Variants in TECRL observed in about 807,000 individuals in gnomAD.
The protein encoded by TECRL is trans-2,3-enoyl-CoA reductase-like.
In TECRL, 63 loss-of-function variants were observed where a neutral mutation model predicts 52.8. That is an observed-to-expected ratio of 1.19 (90% confidence interval 0.97 to 1.47). The LOEUF is 1.47. Ranked by LOEUF, TECRL falls within the 40% of genes most tolerant of loss-of-function variation. The pLI is 0.00. For missense variants in TECRL, 482 were observed against 429.6 expected (o/e 1.12, Z -1.08); for synonymous variants, 164 against 141.9 (o/e 1.16, Z -1.10).
In TECRL at chr4:64,314,776, C is replaced by T; in HGVS notation, c.436-13G>A. The T allele has an allele frequency of 6.5e-7, 1 of 1,544,206 alleles. No individual in the cohort carries two copies. The highest frequency in any genetic ancestry group is 1.4e-5 in the African/African-American group (1 of 73,544). Reference sequence around the variant, plus strand: ...CAGCCAAAAACACCTGAAAATAAAACATGATTTAGATTAAACGATAAAAAT... The same window carrying T: ...CAGCCAAAAACACCTGAAAATAAAATATGATTTAGATTAAACGATAAAAAT... On this transcript the variant is annotated splice_polypyrimidine_tract_variant and intron_variant, in intron 4 of 11. Coordinates refer to ENST00000381210, the MANE Select transcript of TECRL (RefSeq NM_001010874.5).
At chr4:64,282,665 A>C (rs1292878704) in intron 9 of TECRL, among the ~76,000 whole-genome samples, 1 of 152,016 alleles carries the variant, frequency 6.6e-6, no homozygotes, top group African/African-American at 2.4e-5. Flanking sequence ...GTAGTTTATG[A>C]GTGTTCAGCC....
At chr4:64,300,584 G>T (rs998278757) in intron 7 of TECRL, among the ~76,000 whole-genome samples, 11 of 150,780 alleles carry the variant, frequency 7.3e-5, no homozygotes, top group African/African-American at 2.4e-4. Flanking sequence ...TAAAGGCAGG[G>T]TTGCTCACTG....
intron 1 of TECRL, among the ~76,000 whole-genome samples, chr4:64,392,388 C>T (rs1003297478): frequency 3.3e-5 from 5 of 151,868 alleles, no homozygotes; most frequent in South Asian, 2.1e-4. Flanking sequence ...TTTACATTTT[C>T]GAGATACACA....
intron 1 of TECRL, among the ~76,000 whole-genome samples, chr4:64,383,593 CT>C (rs533640647): frequency 9.3e-4 from 141 of 151,836 alleles, no homozygotes; most frequent in African/African-American, 3.3e-3. Flanking sequence ...CAGTTTAAAT[CT>C]TTTTTATTAT....
At chr4:64,390,294 A>T (rs955165961) in intron 1 of TECRL, among the ~76,000 whole-genome samples, 2 of 151,958 alleles carry the variant, frequency 1.3e-5, no homozygotes, top group Admixed American at 1.3e-4. Context: ...ATAAATGTTC[A>T]AATCGCTGTG....
chr4:64,409,199 T>C lies in TECRL; in HGVS notation c.153A>G (p.Ala51=). The C allele has an allele frequency of 1.9e-6, 3 of 1,613,106 alleles. No individual in the cohort carries two copies. Among genetic ancestry groups the C allele is most frequent in the Non-Finnish European group, 2.5e-6 (3 of 1,179,332 alleles). ...LSAGPLRPTP[A]VKHSKTTHFE... ...AGTGAGTCGTTTTTGAATGTTTGAC[T>C]GCTGGAGTTGGTCTTAGAGGGCCCG... Residue 51 remains alanine, a synonymous_variant, in exon 1 of 12, where the codon GCA becomes GCG. Transcript: ENST00000381210.
At chr4:64,341,005 G>T (rs1719532192) in intron 2 of TECRL, among the ~76,000 whole-genome samples, 1 of 152,130 alleles carries the variant, frequency 6.6e-6, no homozygotes, top group South Asian at 2.1e-4. Context: ...TTGCAGTGGA[G>T]AACAACCCAT....
At chr4:64,366,304 A>C (rs183939674) in intron 2 of TECRL, among the ~76,000 whole-genome samples, 1 of 152,258 alleles carries the variant, frequency 6.6e-6, no homozygotes, top group East Asian at 1.9e-4. Context: ...CAGACTGTAA[A>C]AACTCTGGAA....
chr4:64,353,589 G>A (rs771708458), intron 2 of TECRL, among the ~76,000 whole-genome samples: 6 of 152,080 alleles, frequency 3.9e-5, no homozygotes, highest in African/African-American at 1.2e-4. Flanking sequence ...ATTAGTATTC[G>A]TTGAATAAGG....
Position 64,322,795 on chromosome 4 carries a change from A to G in TECRL, c.332-3T>C, listed in dbSNP as rs1717997993. 2 of 1,583,226 alleles carry G rather than the reference A, an allele frequency of 1.3e-6. No individual in the cohort carries two copies. ...GTAGTCCTTCAAAAAAGGCCCGCCT[A>G]AAATAAAAATAACAAGAAAATTTTA... On this transcript the variant is annotated splice_polypyrimidine_tract_variant and splice_region_variant and intron_variant, in intron 3 of 11. Coordinates refer to ENST00000381210, the MANE Select transcript of TECRL (RefSeq NM_001010874.5).
rs573002268 is a variant in TECRL, at chr4:64,279,879, C to A, written c.*193G>T. On this transcript the variant is annotated 3_prime_UTR_variant, in exon 12 of 12. Coordinates refer to ENST00000381210, the MANE Select transcript of TECRL (RefSeq NM_001010874.5). Reference sequence around the variant, plus strand: ...ATTCAGAGCTGTTCTTAGTTAATTGCATTTATAATTTATACTTTTTATTAC... The same window carrying A: ...ATTCAGAGCTGTTCTTAGTTAATTGAATTTATAATTTATACTTTTTATTAC... 8.8e-6 allele frequency: 10 copies of A among 1,136,428 alleles called. No homozygotes were observed. In the South Asian group the frequency reaches 2.9e-4, roughly 33 times the overall value. The allele number at this position is 1,136,428 out of a possible 1,614,324, so 70.4% of individuals were successfully genotyped here. A position where few individuals can be genotyped will look rare whatever the true frequency, so the allele number is the denominator to read the frequency against.
chr4:64,347,822 C>T (rs1720096375), intron 2 of TECRL, among the ~76,000 whole-genome samples: 1 of 152,052 alleles, frequency 6.6e-6, no homozygotes, highest in Admixed American at 6.5e-5. Context: ...GGACACAGAG[C>T]CAAACCATAT....
chr4:64,391,107 T>C (rs912218055), intron 1 of TECRL, among the ~76,000 whole-genome samples: 5 of 151,814 alleles, frequency 3.3e-5, no homozygotes, highest in African/African-American at 1.2e-4. Flanking sequence ...GAATTTGTCC[T>C]CAACGTATAA....
At chr4:64,345,984 G>A (rs1719949624) in intron 2 of TECRL, among the ~76,000 whole-genome samples, 1 of 122,736 alleles carries the variant, frequency 8.1e-6, no homozygotes, top group Non-Finnish European at 1.6e-5. Flanking sequence ...CTGCCACTAA[G>A]ATAAATATGC....
chr4:64,381,707 T>C (rs1206965957), intron 1 of TECRL, among the ~76,000 whole-genome samples: 1 of 152,196 alleles, frequency 6.6e-6, no homozygotes, highest in Non-Finnish European at 1.5e-5. Flanking sequence ...TTGATTTGCA[T>C]ATATTGAAGT....
At chr4:64,386,477 C>G (rs1167075206) in intron 1 of TECRL, among the ~76,000 whole-genome samples, 1 of 151,924 alleles carries the variant, frequency 6.6e-6, no homozygotes, top group Non-Finnish European at 1.5e-5. Context: ...GCATTTCAAA[C>G]CAATGGTGTT....
At chr4:64,299,257 A>C (rs2109971418) in intron 8 of TECRL, 1 of 151,262 alleles carries the variant, frequency 6.6e-6, no homozygotes, top group Non-Finnish European at 1.5e-5. Context: ...GACCTGTATT[A>C]AAATGGTTAG....
At chr4:64,277,316 C>A (rs535128804), downstream of TECRL, among the ~76,000 whole-genome samples, 2 of 151,796 alleles carry the variant, frequency 1.3e-5, no homozygotes, top group African/African-American at 4.8e-5. Flanking sequence ...AAAACAGAAA[C>A]TATTCTTAGT....
chr4:64,330,553 A>G (rs1197036220), intron 2 of TECRL, among the ~76,000 whole-genome samples: 1 of 152,138 alleles, frequency 6.6e-6, no homozygotes, highest in African/African-American at 2.4e-5. Context: ...CTGTAATCAC[A>G]ACACTTTGGG....
Sources: allele counts gnomAD v4.1 joint callset (sites outside exome capture counted in the v4.1 genomes callset), GRCh38; gene constraint gnomAD v4.1.1; transcripts MANE v1.5; gene names NCBI Gene and HGNC (gene_info 2026-07-23, HGNC 2026-07-21).